SUGCT: variants seen among roughly 807,000 people sequenced by gnomAD.
The protein encoded by SUGCT is succinyl-CoA:glutarate CoA-transferase.
In SUGCT, 41 loss-of-function variants were observed where a neutral mutation model predicts 55.0. The ratio of observed to expected loss-of-function variants is 0.74; its 90% confidence interval spans 0.58 to 0.97. The LOEUF is 0.97. SUGCT is among the 50% of genes least tolerant of loss of function. SUGCT has a pLI of 0.00. For missense variants in SUGCT, 568 were observed against 547.8 expected, an observed-to-expected ratio of 1.04 and a Z score of -0.37; for synonymous variants, 187 against 200.4, an observed-to-expected ratio of 0.93 and a Z score of 0.56.
intron 1 of SUGCT, among the ~76,000 whole-genome samples, chr7:40,136,559 A>T (rs1562786605): frequency 6.6e-6 from 1 of 152,226 alleles, no homozygotes. Flanking sequence ...TTCTGTAGAT[A>T]CAAGTGATAG....
chr7:40,882,649 A>G, the SUGCT span, among the ~76,000 whole-genome samples: 1 of 152,196 alleles, frequency 6.6e-6, no homozygotes, highest in Non-Finnish European at 1.5e-5. Context: ...TAAAGGTAAA[A>G]CTAATAAAGA....
At chr7:40,835,199 A>G (rs2128782374) in intron 13 of SUGCT, among the ~76,000 whole-genome samples, 1 of 152,372 alleles carries the variant, frequency 6.6e-6, no homozygotes, top group East Asian at 1.9e-4. Context: ...GACCAGGACA[A>G]TGCAGTTCAA....
At chr7:40,779,922 A>G (rs1789648879) in intron 13 of SUGCT, among the ~76,000 whole-genome samples, 1 of 152,222 alleles carries the variant, frequency 6.6e-6, no homozygotes, top group African/African-American at 2.4e-5. Flanking sequence ...TAATAAACAC[A>G]CAAAGGGTTT....
At chr7:40,553,415 G>A (rs973809032) in intron 12 of SUGCT, among the ~76,000 whole-genome samples, 3 of 152,156 alleles carry the variant, frequency 2.0e-5, no homozygotes, top group Non-Finnish European at 4.4e-5. Flanking sequence ...AAAATTGACC[G>A]CGAATGATGT....
intron 11 of SUGCT, among the ~76,000 whole-genome samples, chr7:40,474,806 C>T (rs1790574507): frequency 6.6e-6 from 1 of 152,178 alleles, no homozygotes; most frequent in African/African-American, 2.4e-5. Flanking sequence ...TTCTGTGTTT[C>T]AGAATTTTTT....
intron 1 of SUGCT, among the ~76,000 whole-genome samples, chr7:40,177,861 T>C (rs1785002481): frequency 1.3e-5 from 2 of 152,202 alleles, no homozygotes. Context: ...GAGATTATCC[T>C]GTCTCAGCCT....
chr7:40,442,547 ATT>A (rs1396089893), intron 9 of SUGCT, among the ~76,000 whole-genome samples: 2 of 151,354 alleles, frequency 1.3e-5, no homozygotes, highest in Admixed American at 6.6e-5. Flanking sequence ...ATTATGTTTT[ATT>A]TATTTATTTT....
At position 40,655,448 on chromosome 7, in the gene SUGCT, G is replaced by GC. The variant is rs1800972017; in HGVS notation, c.1090-93985dup. The stretch of plus-strand genomic sequence containing the variant: ...CCTTGGGAGTAAAATACTGCTTTCA[G>GC]CATTATTCTTAGCTACACTAAACTT... On this transcript the variant is annotated intron_variant, in intron 12 of 13. Transcript: ENST00000335693. Among the ~76,000 whole-genome samples the GC allele has an allele frequency of 2.0e-5, 3 of 152,258 alleles. No individual in the cohort carries two copies. In the South Asian group the frequency reaches 6.2e-4, roughly 32 times the overall value.
intron 1 of SUGCT, among the ~76,000 whole-genome samples, chr7:40,177,463 C>A (rs1784984126): frequency 6.6e-6 from 1 of 152,220 alleles, no homozygotes. Context: ...TTTCACAAAT[C>A]ATTTTTCCTT....
At chr7:40,609,332 C>T (rs1205504208) in intron 12 of SUGCT, among the ~76,000 whole-genome samples, 4 of 151,748 alleles carry the variant, frequency 2.6e-5, no homozygotes, top group African/African-American at 9.7e-5. Flanking sequence ...TTTGGGAGGC[C>T]GAGGCGGGCG....
chr7:40,292,948 G>GA (rs1012788633), intron 8 of SUGCT, among the ~76,000 whole-genome samples: 2 of 152,132 alleles, frequency 1.3e-5, no homozygotes, highest in East Asian at 3.9e-4. Flanking sequence ...GTAACGTCAT[G>GA]AAAAAAACCA....
At chr7:40,682,469 AG>A (rs1784295305) in intron 12 of SUGCT, among the ~76,000 whole-genome samples, 1 of 152,170 alleles carries the variant, frequency 6.6e-6, no homozygotes, top group African/African-American at 2.4e-5. Flanking sequence ...AGTGGGAAGC[AG>A]TATTGTGGGA....
the SUGCT span, among the ~76,000 whole-genome samples, chr7:40,915,337 A>G: frequency 6.6e-6 from 1 of 152,202 alleles, no homozygotes; most frequent in Admixed American, 6.5e-5. Flanking sequence ...TCATGACTCA[A>G]CAAGATATCT....
chr7:40,145,561 C>G (rs555245108), intron 1 of SUGCT, among the ~76,000 whole-genome samples: 1 of 150,096 alleles, frequency 6.7e-6, no homozygotes, highest in South Asian at 2.1e-4. Context: ...AAGTGAACTT[C>G]CTTCATGTCT....
intron 9 of SUGCT, among the ~76,000 whole-genome samples, chr7:40,337,739 C>T (rs962587031): frequency 1.3e-5 from 2 of 152,028 alleles, no homozygotes; most frequent in African/African-American, 4.8e-5. Flanking sequence ...GAGTATTTAG[C>T]CCATTTACAT....
intron 12 of SUGCT, among the ~76,000 whole-genome samples, chr7:40,532,505 C>T (rs180803961): frequency 6.6e-6 from 1 of 151,084 alleles, no homozygotes; most frequent in African/African-American, 2.4e-5. Context: ...AAGTCTGACA[C>T]CCTGAACTGA....
the SUGCT span, among the ~76,000 whole-genome samples, chr7:40,946,678 AT>A: frequency 6.6e-6 from 1 of 151,980 alleles, no homozygotes; most frequent in Non-Finnish European, 1.5e-5. Flanking sequence ...GTCTTTATTT[AT>A]TTTCAAATTT....
the SUGCT span, among the ~76,000 whole-genome samples, chr7:40,981,826 A>G: frequency 6.6e-6 from 1 of 152,178 alleles, no homozygotes; most frequent in African/African-American, 2.4e-5. Flanking sequence ...TCCATCTAAG[A>G]CTTCACCAGA....
intron 13 of SUGCT, among the ~76,000 whole-genome samples, chr7:40,859,712 A>G (rs1217389578): frequency 1.3e-5 from 2 of 152,182 alleles, no homozygotes; most frequent in East Asian, 1.9e-4. Context: ...AAGTTCAGCA[A>G]TTCATCCAAG....
Sources: gnomAD v4.1 joint callset for allele counts (sites outside exome capture counted in the v4.1 genomes callset) on GRCh38, gnomAD v4.1.1 for gene constraint, MANE v1.5 for transcripts, NCBI Gene and HGNC (gene_info 2026-07-23, HGNC 2026-07-21) for gene names.